ERGIC2: variants seen among roughly 807,000 people sequenced by gnomAD.
The protein encoded by ERGIC2 is ERGIC and golgi 2, also known as endoplasmic reticulum-Golgi intermediate compartment protein 2.
Under a neutral mutation model 52.5 loss-of-function variants are expected in ERGIC2, and 31 were observed. That is an observed-to-expected ratio of 0.59 (90% CI 0.44 to 0.80). The LOEUF (loss-of-function observed/expected upper bound fraction) is 0.80. Among genes scored for constraint, ERGIC2 ranks in the 30% least tolerant of loss-of-function variants. The probability of loss-of-function intolerance (pLI) is 0.00; values close to 1 mark genes in which losing one functional copy is unlikely to be tolerated. For missense variants in ERGIC2, 395 were observed against 455.2 expected (o/e 0.87, Z 1.20); for synonymous variants, 129 against 140.6 (o/e 0.92, Z 0.58).
intron 13 of ERGIC2, 91 bp downstream of exon 13, chr12:29,341,643 G>T (rs1474175294): frequency 9.7e-6 from 7 of 721,924 alleles, no homozygotes; most frequent in Non-Finnish European, 1.7e-5. Context: ...AAAGTCTTGG[G>T]ATTACAGGTG....
At chr12:29,358,509 G>T in intron 6 of ERGIC2, among the ~76,000 whole-genome samples, 1 of 152,060 alleles carries the variant, frequency 6.6e-6, no homozygotes, top group East Asian at 1.9e-4. Flanking sequence ...TCAACACCAA[G>T]AACGAACTCT....
At chr12:29,347,824 A>T (rs189645300) in intron 10 of ERGIC2, among the ~76,000 whole-genome samples, 2 of 152,222 alleles carry the variant, frequency 1.3e-5, no homozygotes, top group African/African-American at 4.8e-5. Context: ...ACCTGATGAT[A>T]CTCACCTAAC....
chr12:29,363,095 C>G (rs537772182), intron 5 of ERGIC2, among the ~76,000 whole-genome samples: 35 of 152,124 alleles, frequency 2.3e-4, no homozygotes, highest in Admixed American at 3.9e-4. Context: ...CTCCTCTTCC[C>G]TTTTTGCACA....
intron 8 of ERGIC2, among the ~76,000 whole-genome samples, chr12:29,354,189 T>C (rs567378063): frequency 6.6e-6 from 1 of 152,204 alleles, no homozygotes; most frequent in Non-Finnish European, 1.5e-5. Context: ...CCTATTATAA[T>C]AATCTGAGTC....
chr12:29,361,703 A>G lies in ERGIC2; in HGVS notation c.334-18T>C. 2 of 1,593,848 alleles carry G rather than the reference A, an allele frequency of 1.3e-6. No homozygotes were observed. The highest frequency in any genetic ancestry group is 2.3e-5 in the South Asian group (2 of 86,814). ...AATACTGTCTGAAATGAAAGAAAAC[A>G]TAATCACTAGCATTGTCAAATTCTC... On this transcript the variant is annotated intron_variant, in intron 5 of 13. Coordinates refer to ENST00000360150, the MANE Select transcript of ERGIC2 (RefSeq NM_016570.3).
At chr12:29,341,429 CGTA>C in intron 13 of ERGIC2, among the ~76,000 whole-genome samples, 1 of 170 alleles carries the variant, frequency 5.9e-3, no homozygotes, top group South Asian at 0.17. Flanking sequence ...TGCAGTGGTA[CGTA>C]CGATCATAGC....
In ERGIC2 at chr12:29,340,850, A is replaced by G. The variant is rs1425660287; in HGVS notation, c.*306T>C. The G allele has an allele frequency of 2.2e-6, 1 of 460,702 alleles. No homozygotes were observed. Among genetic ancestry groups the G allele is most frequent in the South Asian group, 1.7e-5 (1 of 57,690 alleles). The allele number at this position is 460,702 out of a possible 1,614,324, so 28.5% of individuals were successfully genotyped here. A position where few individuals can be genotyped will look rare whatever the true frequency, so the allele number is the denominator to read the frequency against. ...TCCTTCAGGCTTTTTATCAGCAAGA[A>G]GCAATGTCTGATTTTGATACCACCC... On this transcript the variant is annotated 3_prime_UTR_variant, in exon 14 of 14. Transcript: ENST00000360150.
At chr12:29,366,213 G>T (rs910620046) in intron 5 of ERGIC2, among the ~76,000 whole-genome samples, 3 of 151,952 alleles carry the variant, frequency 2.0e-5, no homozygotes, top group African/African-American at 7.2e-5. Flanking sequence ...AGGGCCTCAT[G>T]CTTATTCTCG....
intron 6 of ERGIC2, among the ~76,000 whole-genome samples, chr12:29,360,088 T>C (rs1940262226): frequency 6.6e-6 from 1 of 152,104 alleles, no homozygotes; most frequent in African/African-American, 2.4e-5. Flanking sequence ...AAAAAAATTC[T>C]AGGCATTCCT....
At chr12:29,371,896 G>GA in intron 1 of ERGIC2, among the ~76,000 whole-genome samples, 1 of 151,472 alleles carries the variant, frequency 6.6e-6, no homozygotes, top group Non-Finnish European at 1.5e-5. Flanking sequence ...TATATAGCAA[G>GA]AAAAAAAGTG....
intron 10 of ERGIC2, 39 bp from the exon 11 acceptor site, chr12:29,345,579 A>G: frequency 9.9e-7 from 1 of 1,008,010 alleles, no homozygotes; most frequent in Non-Finnish European, 1.6e-6. Context: ...TTCAGTAGCA[A>G]CAAAACTACT....
rs77441764 is a variant in ERGIC2, at chr12:29,366,274, C to T, written c.333+603G>A. Among the ~76,000 whole-genome samples, 1,229 of 151,930 alleles carry T rather than the reference C, an allele frequency of 8.1e-3. 10 individuals are homozygous for T. The highest frequency in any genetic ancestry group is 0.028 in the African/African-American group (1,166 of 41,488). On this transcript the variant is annotated intron_variant, in intron 5 of 13. Transcript: ENST00000360150. ...TCATGACTCGTTATCACTGTATCTG[C>T]CACTGAAATGTGACAATATTTTCTG...
chr12:29,360,031 A>T (rs574691731), intron 6 of ERGIC2, among the ~76,000 whole-genome samples: 1 of 152,258 alleles, frequency 6.6e-6, no homozygotes, highest in Non-Finnish European at 1.5e-5. Context: ...AATGTTAATT[A>T]ATAAAAGCAT....
intron 8 of ERGIC2, among the ~76,000 whole-genome samples, chr12:29,353,725 C>T (rs1388044743): frequency 1.4e-5 from 2 of 144,746 alleles, no homozygotes; most frequent in Non-Finnish European, 3.1e-5. Flanking sequence ...AATAATATTT[C>T]CTTCTTTTTT....
intron 5 of ERGIC2, among the ~76,000 whole-genome samples, chr12:29,365,623 A>T (rs1374902500): frequency 6.6e-6 from 1 of 151,864 alleles, no homozygotes. Flanking sequence ...TTGAAAAAAC[A>T]GTCCCTCTTC....
intron 6 of ERGIC2, among the ~76,000 whole-genome samples, chr12:29,361,373 T>C (rs371225805): frequency 1.7e-4 from 26 of 152,256 alleles, no homozygotes; most frequent in African/African-American, 5.8e-4. Flanking sequence ...AATGATCATA[T>C]ATTACTTTTG....
intron 6 of ERGIC2, 51 bp downstream of exon 6, chr12:29,361,594 C>A (rs1417110216): frequency 2.8e-6 from 4 of 1,427,526 alleles, no homozygotes; most frequent in Admixed American, 2.0e-5. Context: ...TTACAATAGA[C>A]AAAATATGAC....
At chr12:29,353,931 A>C (rs970264096) in intron 8 of ERGIC2, among the ~76,000 whole-genome samples, 1 of 152,156 alleles carries the variant, frequency 6.6e-6, no homozygotes, top group African/African-American at 2.4e-5. Context: ...TTTCTACCCT[A>C]TCAGACAAGA....
At position 29,340,992 on chromosome 12, in the gene ERGIC2, G is replaced by A; in HGVS notation, c.*164C>T. 1 of 634,438 alleles carries A rather than the reference G, an allele frequency of 1.6e-6. No individual in the cohort carries two copies. Among genetic ancestry groups the A allele is most frequent in the South Asian group, 1.9e-5 (1 of 53,992 alleles). 39.3% of individuals were successfully genotyped at this position (634,438 alleles called of 1,614,324 possible). A position where few individuals can be genotyped will look rare whatever the true frequency, so the allele number is the denominator to read the frequency against. ...ATTTGTAACAGACACAACGTATATA[G>A]AATTTCAGTTTGGGTTTTTTTATCC... On this transcript the variant is annotated 3_prime_UTR_variant, in exon 14 of 14. Transcript: ENST00000360150.
Sources: gnomAD v4.1 joint callset for allele counts (sites outside exome capture counted in the v4.1 genomes callset) on GRCh38, gnomAD v4.1.1 for gene constraint, MANE v1.5 for transcripts, NCBI Gene and HGNC (gene_info 2026-07-23, HGNC 2026-07-21) for gene names.